The following DYDC1 variants were observed in gnomAD, a reference collection of about 807,000 sequenced individuals.
The protein encoded by DYDC1 is DPY30 domain-containing protein 1.
In DYDC1, 21 loss-of-function variants were observed where a neutral mutation model predicts 27.9. That is an observed-to-expected ratio of 0.75 (90% CI 0.53 to 1.08). DYDC1 has a LOEUF of 1.08. Ranked by LOEUF, DYDC1 falls within the 50% of genes least tolerant of loss-of-function variation. The pLI is 0.00. For missense variants in DYDC1, 202 were observed against 205.9 expected (o/e 0.98, Z 0.12); for synonymous variants, 67 against 65.8 (o/e 1.02, Z -0.09).
At chr10:80,345,211 T>C (rs1360258567) in intron 3 of DYDC1, among the ~76,000 whole-genome samples, 1 of 152,206 alleles carries the variant, frequency 6.6e-6, no homozygotes, top group Non-Finnish European at 1.5e-5. Context: ...CTGTGAATTT[T>C]TGTCAGAAAC....
intron 3 of DYDC1, among the ~76,000 whole-genome samples, chr10:80,347,158 G>A (rs1842698323): frequency 6.6e-6 from 1 of 151,548 alleles, no homozygotes; most frequent in African/African-American, 2.4e-5. Context: ...GCACTTCCCT[G>A]ATGACTAGCG....
chr10:80,337,233 T>G, intron 6 of DYDC1: 2 of 985,454 alleles, frequency 2.0e-6, no homozygotes, highest in South Asian at 4.7e-5. Context: ...ACTCTGTCCC[T>G]CAAAGAAGCT....
chr10:80,355,049 A>T (rs1171479864), intron 1 of DYDC1, among the ~76,000 whole-genome samples: 2 of 151,840 alleles, frequency 1.3e-5, no homozygotes, highest in African/African-American at 4.8e-5. Flanking sequence ...GGAAAGTAAA[A>T]AAAAAGCTTC....
chr10:80,338,424 A>T, intron 6 of DYDC1, 43 bp downstream of exon 6: 13 of 1,606,894 alleles, frequency 8.1e-6, no homozygotes, highest in Non-Finnish European at 1.0e-5. Context: ...AATCAAAAAC[A>T]AAAACAAAAA....
At chr10:80,342,193 C>G (rs777662765) in intron 4 of DYDC1, 76 bp downstream of exon 4, 5 of 1,437,196 alleles carry the variant, frequency 3.5e-6, no homozygotes, top group Non-Finnish European at 4.8e-6. Context: ...GGTCCTTCTG[C>G]TAACAGCTGA....
At chr10:80,345,551 C>A (rs763881536) in intron 3 of DYDC1, among the ~76,000 whole-genome samples, 4 of 152,144 alleles carry the variant, frequency 2.6e-5, no homozygotes, top group Non-Finnish European at 5.9e-5. Flanking sequence ...CAATTTTGTA[C>A]ATTTTGACCT....
Position 80,350,375 on chromosome 10 carries a change from T to C in DYDC1, c.249+1526A>G, listed in dbSNP as rs534680516. 7.2e-5 allele frequency among the ~76,000 whole-genome samples: 11 copies of C among 152,318 alleles called. No individual in the cohort carries two copies. In the East Asian group the frequency reaches 1.9e-3, roughly 27 times the overall value. ...GGAAGGAGAACCTCTGGGAATTCTC[T>C]TATTTTTGATAGACAGGAACAGATA... On this transcript the variant is annotated intron_variant, in intron 3 of 6. Transcript: ENST00000372202.
chr10:80,341,798 G>C (rs2132754176), intron 4 of DYDC1, among the ~76,000 whole-genome samples: 1 of 152,276 alleles, frequency 6.6e-6, no homozygotes, highest in African/African-American at 2.4e-5. Flanking sequence ...GCCAAGGTGG[G>C]TGGATCACCT....
At chr10:80,340,972 T>A (rs1005550190) in intron 4 of DYDC1, among the ~76,000 whole-genome samples, 10 of 152,152 alleles carry the variant, frequency 6.6e-5, no homozygotes, top group Admixed American at 5.2e-4. Flanking sequence ...TTAAAAAAAA[T>A]CTCACTTTTT....
chr10:80,337,541 T>C (rs1485669093), intron 6 of DYDC1: 1 of 567,588 alleles, frequency 1.8e-6, no homozygotes, highest in Non-Finnish European at 2.2e-6. Flanking sequence ...TCTCATCATA[T>C]GAGTCTCCAC....
intron 6 of DYDC1, 49 bp from the exon 7 acceptor site, chr10:80,336,234 G>A: frequency 6.6e-7 from 1 of 1,520,208 alleles, no homozygotes; most frequent in Non-Finnish European, 8.7e-7. Flanking sequence ...TTAGAACTGT[G>A]AAAAGGCACA....
chr10:80,356,626 C>T, intron 1 of DYDC1, 86 bp downstream of exon 1: 3 of 985,270 alleles, frequency 3.0e-6, no homozygotes, highest in South Asian at 4.7e-5. Flanking sequence ...CAAGGCCCAA[C>T]GGTCAGAACC....
intron 3 of DYDC1, 62 bp from the exon 4 acceptor site, chr10:80,342,423 C>G: frequency 1.3e-6 from 2 of 1,518,454 alleles, no homozygotes; most frequent in Non-Finnish European, 1.8e-6. Flanking sequence ...TAAGTTTATA[C>G]CCACCTTCAT....
intron 3 of DYDC1, 31 bp downstream of exon 3, chr10:80,351,870 A>T: frequency 6.2e-7 from 1 of 1,601,802 alleles, no homozygotes; most frequent in South Asian, 1.1e-5. Context: ...CGTTAATTCC[A>T]GTCCCCTCTG....
chr10:80,356,579 G>A (rs1240544053), intron 1 of DYDC1, 133 bp downstream of exon 1: 1 of 985,500 alleles, frequency 1.0e-6, no homozygotes, highest in Non-Finnish European at 1.2e-6. Flanking sequence ...GGCGCGAAGC[G>A]GCCTCTCTCC....
chr10:80,356,431 G>T, intron 1 of DYDC1: 1 of 985,362 alleles, frequency 1.0e-6, no homozygotes, highest in Non-Finnish European at 1.2e-6. Flanking sequence ...ATACAGTATT[G>T]TATCTGGCAA....
At chr10:80,342,188 T>C in intron 4 of DYDC1, 81 bp downstream of exon 4, 1 of 1,392,638 alleles carries the variant, frequency 7.2e-7, no homozygotes. Context: ...CCCATGGTCC[T>C]TCTGCTAACA....
At chr10:80,356,260 G>C in intron 1 of DYDC1, 1 of 985,478 alleles carries the variant, frequency 1.0e-6, no homozygotes, top group Non-Finnish European at 1.2e-6. Flanking sequence ...ACACCAATAG[G>C]CATCTTGGCT....
rs1222096986 is a variant in DYDC1 at position 80,338,579 on chromosome 10, C to CA, written c.400-9dup. On this transcript the variant is annotated splice_polypyrimidine_tract_variant and intron_variant, in intron 5 of 6. Transcript: ENST00000372202. ...TGAGTCTAGTGTTGCTTCCTACAAT[C>CA]AAAAAATTGATTTTTACTTTTAAAT... The CA allele has an allele frequency of 6.5e-7, 1 of 1,526,862 alleles. No individual in the cohort carries two copies. Among genetic ancestry groups the CA allele is most frequent in the South Asian group, 1.3e-5 (1 of 75,170 alleles). The allele number at this position is 1,526,862 out of a possible 1,614,324, so 94.6% of individuals were successfully genotyped here.
Sources: gnomAD v4.1 joint callset for allele counts (sites outside exome capture counted in the v4.1 genomes callset) on GRCh38, gnomAD v4.1.1 for gene constraint, MANE v1.5 for transcripts, NCBI Gene and HGNC (gene_info 2026-07-23, HGNC 2026-07-21) for gene names.